Variants in SOX5 observed in about 807,000 individuals in gnomAD.
SOX5 encodes the protein SRY-box transcription factor 5, also known as transcription factor SOX-5.
Under a neutral mutation model 92.0 loss-of-function variants are expected in SOX5, and 9 were observed. The ratio of observed to expected loss-of-function variants is 0.10; its 90% CI spans 0.06 to 0.17. SOX5 has a LOEUF of 0.17. Among genes scored for constraint, SOX5 ranks in the 10% least tolerant of loss-of-function variants. The probability of loss-of-function intolerance (pLI) is 1.00; values close to 1 mark genes in which losing one functional copy is unlikely to be tolerated. For missense variants in SOX5, 642 were observed against 944.5 expected, an observed-to-expected ratio of 0.68 and a Z score of 4.20; for synonymous variants, 344 against 336.3, an observed-to-expected ratio of 1.02 and a Z score of -0.25.
intron 2 of SOX5, among the ~76,000 whole-genome samples, chr12:24,345,168 A>G (rs1309969850): frequency 6.6e-6 from 1 of 152,238 alleles, no homozygotes; most frequent in Non-Finnish European, 1.5e-5. Flanking sequence ...CTGGTATATT[A>G]GACATGGAAA....
chr12:23,695,940 CAAAAAAAAAAAAAAAAA>C (rs71059917), intron 6 of SOX5, among the ~76,000 whole-genome samples: 1 of 11,908 alleles, frequency 8.4e-5, no homozygotes, highest in African/African-American at 2.7e-4. Flanking sequence ...GACTCTGTCT[CAAAAAAAAAAAAAAAAA>C]AAAAAAAAAA....
chr12:24,280,308 G>A (rs1048963386), intron 2 of SOX5, among the ~76,000 whole-genome samples: 4 of 152,138 alleles, frequency 2.6e-5, no homozygotes, highest in African/African-American at 4.8e-5. Flanking sequence ...ACACTGTGCC[G>A]TGAAATTGCG....
At chr12:23,930,216 A>C (rs1941085008) in intron 1 of SOX5, among the ~76,000 whole-genome samples, 2 of 151,882 alleles carry the variant, frequency 1.3e-5, no homozygotes, top group Non-Finnish European at 2.9e-5. Flanking sequence ...GAAACTTTCC[A>C]AGAACATTGG....
chr12:23,641,073 G>A (rs2079989794), intron 7 of SOX5, among the ~76,000 whole-genome samples, 176 bp from the exon 8 acceptor site: 1 of 152,138 alleles, frequency 6.6e-6, no homozygotes, highest in Non-Finnish European at 1.5e-5. Context: ...GGCTGAGAGA[G>A]GAATGTGAAT....
intron 1 of SOX5, among the ~76,000 whole-genome samples, chr12:24,519,015 A>C (rs780998192): frequency 3.2e-4 from 49 of 152,246 alleles, no homozygotes; most frequent in Non-Finnish European, 5.6e-4. Flanking sequence ...AAATATAAAA[A>C]CGTTTATTCT....
chr12:23,964,442 T>C lies in SOX5; in HGVS notation c.-1-68418A>G, dbSNP rs1010774907. 3.9e-5 allele frequency among the ~76,000 whole-genome samples: 6 copies of C among 152,250 alleles called. No individual in the cohort carries two copies. The South Asian group carries it at 1.2e-3, about 32-fold the overall frequency. On this transcript the variant is annotated intron_variant, in intron 4 of 4. Transcript: ENST00000446891. ...CCAGTCATGAAATATTTTATGCTTGTTTGAAAGATACATAGTTGTCCTGTT... is the reference window on the plus strand; with the variant it reads ...CCAGTCATGAAATATTTTATGCTTGCTTGAAAGATACATAGTTGTCCTGTT...
intron 1 of SOX5, among the ~76,000 whole-genome samples, chr12:24,405,895 T>C (rs1269600627): frequency 6.6e-6 from 1 of 152,164 alleles, no homozygotes; most frequent in Non-Finnish European, 1.5e-5. Context: ...GAGCTGCTGC[T>C]GATGCCAAGT....
intron 4 of SOX5, among the ~76,000 whole-genome samples, chr12:24,180,909 A>T (rs1023579149): frequency 6.6e-6 from 1 of 152,208 alleles, no homozygotes; most frequent in Non-Finnish European, 1.5e-5. Flanking sequence ...TGGCTCACAC[A>T]GGAGATGTGA....
At chr12:23,598,524 G>A (rs549400685) in intron 9 of SOX5, among the ~76,000 whole-genome samples, 132 of 147,390 alleles carry the variant, frequency 9.0e-4, no homozygotes, top group Non-Finnish European at 1.7e-3. Context: ...TCAGCCTCCC[G>A]AGTAGCTGGG....
At chr12:24,362,569 G>A (rs1421467803) in intron 2 of SOX5, among the ~76,000 whole-genome samples, 1 of 152,092 alleles carries the variant, frequency 6.6e-6, no homozygotes, top group Admixed American at 6.6e-5. Flanking sequence ...TATCAGAATA[G>A]ACACTATAAA....
intron 1 of SOX5, among the ~76,000 whole-genome samples, chr12:23,922,780 G>A (rs1459397366): frequency 6.6e-6 from 1 of 152,128 alleles, no homozygotes; most frequent in African/African-American, 2.4e-5. Flanking sequence ...TTGGCATGAG[G>A]AAATAAAGAT....
At chr12:23,928,373 A>G (rs997229180) in intron 1 of SOX5, among the ~76,000 whole-genome samples, 4 of 151,998 alleles carry the variant, frequency 2.6e-5, no homozygotes, top group Admixed American at 6.6e-5. Context: ...ATGGGAATTG[A>G]TAAGTTACAC....
chr12:23,879,967 T>G (rs1224647143), intron 2 of SOX5, among the ~76,000 whole-genome samples: 2 of 152,070 alleles, frequency 1.3e-5, no homozygotes, highest in African/African-American at 4.8e-5. Context: ...GCAAGCTAGG[T>G]GAAGATATTT....
rs1194383443 is a variant in SOX5, at chr12:23,534,306, A to C, written c.2205T>G (p.Ile735Met). The change falls in exon 15 of 15, where the codon ATT becomes ATG. Residue 735 changes from isoleucine (I) to methionine (M), a missense_variant. Ile to Met is a conservative substitution (Grantham distance 10, BLOSUM62 1). Around this residue, in one of 8 missense-constraint regions of SOX5, gnomAD observed 130 missense variants for 140.6 expected, o/e 0.92. Coordinates refer to ENST00000451604, the MANE Select transcript of SOX5 (RefSeq NM_006940.6). Reference sequence around the variant, plus strand: ...CCTCTTCCTCGTCGTACTCATCATAAATTTCTCCATTGATGTCCTCGGCCT... The same window carrying C: ...CCTCTTCCTCGTCGTACTCATCATACATTTCTCCATTGATGTCCTCGGCCT... ...EIQAEDINGE[I>M]YDEYDEEEDD... 1.9e-6 allele frequency: 3 copies of C among 1,613,940 alleles called. No individual in the cohort carries two copies. The highest frequency in any genetic ancestry group is 2.7e-5 in the African/African-American group (2 of 74,900).
At chr12:24,291,567 T>G (rs1946623900) in intron 2 of SOX5, among the ~76,000 whole-genome samples, 2 of 152,204 alleles carry the variant, frequency 1.3e-5, no homozygotes, top group East Asian at 3.8e-4. Flanking sequence ...TCACATAAAA[T>G]GTGCATATAG....
At chr12:23,820,206 T>A (rs10842227) in intron 3 of SOX5, among the ~76,000 whole-genome samples, 1 of 152,138 alleles carries the variant, frequency 6.6e-6, no homozygotes, top group Non-Finnish European at 1.5e-5. Flanking sequence ...TTTCATGTTT[T>A]TTGGCCGCAT....
At chr12:23,820,731 G>A (rs2096093075) in intron 3 of SOX5, among the ~76,000 whole-genome samples, 1 of 152,138 alleles carries the variant, frequency 6.6e-6, no homozygotes, top group South Asian at 2.1e-4. Context: ...TCAGGTGTTT[G>A]TAGATGCGTG....
Position 24,376,690 on chromosome 12 carries a change from CTTTTTTTTTTTTTTTTTTTTTTTTTTT to C in SOX5, c.-250-8078_-250-8052del, listed in dbSNP as rs1164391418. On this transcript the variant is annotated intron_variant, in intron 1 of 4. Transcript: ENST00000446891. ...CAGAATGATGCTATGGGAGAGATAC[CTTTTTTTTTTTTTTTTTTTTTTTTTTT>C]TTTTTTTTTTTTACAGAGTCTCACT... Among the ~76,000 whole-genome samples the C allele has an allele frequency of 5.7e-5, 4 of 70,616 alleles. No individual in the cohort carries two copies. In the South Asian group the frequency reaches 1.7e-3, roughly 31 times the overall value. The allele number at this position is 70,616 out of a possible 152,430, so 46.3% of individuals were successfully genotyped here.
chr12:23,569,313 A>G (rs1036470941), intron 10 of SOX5, among the ~76,000 whole-genome samples: 1 of 152,262 alleles, frequency 6.6e-6, no homozygotes, highest in Non-Finnish European at 1.5e-5. Flanking sequence ...CATTTCAAAA[A>G]TAATGACCTG....
Sources: allele counts gnomAD v4.1 joint callset (sites outside exome capture counted in the v4.1 genomes callset), GRCh38; gene constraint gnomAD v4.1.1; regional missense constraint gnomAD v4.1.1; transcripts MANE v1.5; gene names NCBI Gene and HGNC (gene_info 2026-07-23, HGNC 2026-07-21).